The following ERC2 variants were observed in gnomAD, a reference collection of about 807,000 sequenced individuals.
The protein encoded by ERC2 is ERC protein 2.
In ERC2, 42 loss-of-function variants were observed where a neutral mutation model predicts 114.8. The observed-to-expected ratio is 0.37, with a 90% CI of 0.29 to 0.47. The LOEUF is 0.47. Among genes scored for constraint, ERC2 ranks in the 20% least tolerant of loss-of-function variants. The pLI, the probability that ERC2 is intolerant of heterozygous loss-of-function variation, is 0.99. For missense variants in ERC2, 939 were observed against 1,150.7 expected, an observed-to-expected ratio of 0.82 and a Z score of 2.66; for synonymous variants, 454 against 425.5, an observed-to-expected ratio of 1.07 and a Z score of -0.82.
chr3:56,279,731 T>C (rs971191807), intron 3 of ERC2, among the ~76,000 whole-genome samples: 12 of 152,204 alleles, frequency 7.9e-5, no homozygotes, highest in Non-Finnish European at 1.5e-4. Context: ...GAGAGTAGCA[T>C]GAAGAATGAA....
At chr3:55,597,866 C>T (rs2058222362) in intron 17 of ERC2, among the ~76,000 whole-genome samples, 1 of 152,178 alleles carries the variant, frequency 6.6e-6, no homozygotes, top group Non-Finnish European at 1.5e-5. Flanking sequence ...ACTTGTGTTA[C>T]AATCTCAGTA....
chr3:56,402,231 G>T (rs1243755176), intron 2 of ERC2, among the ~76,000 whole-genome samples: 1 of 152,172 alleles, frequency 6.6e-6, no homozygotes, highest in Non-Finnish European at 1.5e-5. Context: ...CAGTTCTGCA[G>T]CTATATTTAT....
chr3:55,526,786 C>T (rs985145747), intron 17 of ERC2, among the ~76,000 whole-genome samples: 4 of 152,200 alleles, frequency 2.6e-5, no homozygotes, highest in Non-Finnish European at 5.9e-5. Flanking sequence ...GGCCTTGGTG[C>T]ACAATCGCTG....
intron 17 of ERC2, among the ~76,000 whole-genome samples, chr3:55,566,624 T>G (rs1347174796): frequency 6.6e-6 from 1 of 152,116 alleles, no homozygotes; most frequent in Non-Finnish European, 1.5e-5. Context: ...AGAAACAAGG[T>G]TTCACCATGT....
At chr3:56,112,907 A>G (rs886367469) in intron 6 of ERC2, among the ~76,000 whole-genome samples, 1 of 152,184 alleles carries the variant, frequency 6.6e-6, no homozygotes, top group African/African-American at 2.4e-5. Context: ...CCATCATCAG[A>G]CATATTAGCT....
chr3:56,450,367 G>T (rs1283809547), intron 1 of ERC2, among the ~76,000 whole-genome samples: 1 of 152,192 alleles, frequency 6.6e-6, no homozygotes, highest in Non-Finnish European at 1.5e-5. Context: ...GGCTCTGCAT[G>T]CCCAAATATT....
intron 17 of ERC2, among the ~76,000 whole-genome samples, chr3:55,645,518 G>A (rs1319517716): frequency 1.3e-5 from 2 of 152,166 alleles, no homozygotes; most frequent in Non-Finnish European, 2.9e-5. Flanking sequence ...ACACAAAGCT[G>A]GCTTCCAAAA....
chr3:55,937,388 T>C (rs937497256), intron 13 of ERC2, among the ~76,000 whole-genome samples: 3 of 152,158 alleles, frequency 2.0e-5, no homozygotes, highest in Admixed American at 2.0e-4. Flanking sequence ...CAGCCCGGCC[T>C]GGTAAAGAGA....
chr3:56,179,422 G>A (rs912245081), intron 3 of ERC2, among the ~76,000 whole-genome samples: 1 of 152,190 alleles, frequency 6.6e-6, no homozygotes, highest in Admixed American at 6.5e-5. Context: ...ACCATGACAT[G>A]AGGCACTTTC....
chr3:55,789,093 G>T (rs1047180146), intron 14 of ERC2, among the ~76,000 whole-genome samples: 1 of 152,134 alleles, frequency 6.6e-6, no homozygotes, highest in African/African-American at 2.4e-5. Context: ...TTGTCGTCGT[G>T]TTACAATAGT....
chr3:56,264,768 A>T (rs192437785), intron 3 of ERC2, among the ~76,000 whole-genome samples: 75 of 152,026 alleles, frequency 4.9e-4, no homozygotes, highest in Non-Finnish European at 2.5e-4. Flanking sequence ...GTTGCAAGAT[A>T]AAAAAAATCA....
intron 1 of ERC2, among the ~76,000 whole-genome samples, chr3:56,461,813 G>A (rs2063331494): frequency 6.6e-6 from 1 of 152,042 alleles, no homozygotes. Context: ...AATATACTGA[G>A]GGTCCAGATA....
At chr3:56,299,601 T>C (rs530189586) in intron 2 of ERC2, among the ~76,000 whole-genome samples, 6 of 151,972 alleles carry the variant, frequency 3.9e-5, no homozygotes, top group Non-Finnish European at 8.8e-5. Context: ...AGCTAATTTT[T>C]GTATTTTTTG....
chr3:55,829,795 G>C (rs1305158462), intron 14 of ERC2, among the ~76,000 whole-genome samples: 1 of 152,142 alleles, frequency 6.6e-6, no homozygotes, highest in Admixed American at 6.5e-5. Flanking sequence ...AAAGTACTGA[G>C]ATTACAGGTA....
At chr3:55,729,112 T>TC (rs1227747758) in intron 15 of ERC2, among the ~76,000 whole-genome samples, 6 of 152,124 alleles carry the variant, frequency 3.9e-5, no homozygotes, top group Non-Finnish European at 8.8e-5. Context: ...GTATTCTGCT[T>TC]CCTAACTGCA....
intron 14 of ERC2, among the ~76,000 whole-genome samples, chr3:55,839,216 C>CTAGGA (rs1335010768): frequency 6.6e-6 from 1 of 151,606 alleles, no homozygotes; most frequent in Non-Finnish European, 1.5e-5. Flanking sequence ...ATCAGCCAAA[C>CTAGGA]TAGGATACTC....
intron 14 of ERC2, among the ~76,000 whole-genome samples, chr3:55,829,971 TCAAA>T (rs2060499861): frequency 6.6e-6 from 1 of 152,044 alleles, no homozygotes; most frequent in South Asian, 2.1e-4. Context: ...AGAGCCAACT[TCAAA>T]CAGGAGAAAC....
chr3:55,722,035 T>C (rs546009830), intron 15 of ERC2, among the ~76,000 whole-genome samples: 44 of 152,272 alleles, frequency 2.9e-4, no homozygotes, highest in Non-Finnish European at 5.0e-4. Context: ...TGAGTTGCCA[T>C]TCTTGTGGGT....
chr3:55,757,722 A>G (rs1467210857), intron 14 of ERC2, among the ~76,000 whole-genome samples: 1 of 152,146 alleles, frequency 6.6e-6, no homozygotes, highest in Non-Finnish European at 1.5e-5. Context: ...AAACCTATAA[A>G]TATTGTTCAC....
Sources: gnomAD v4.1 joint callset for allele counts (sites outside exome capture counted in the v4.1 genomes callset) on GRCh38, gnomAD v4.1.1 for gene constraint, MANE v1.5 for transcripts, NCBI Gene and HGNC (gene_info 2026-07-23, HGNC 2026-07-21) for gene names.